The following ROBO1 variants were observed in gnomAD, a reference collection of about 807,000 sequenced individuals.
ROBO1 encodes the protein roundabout guidance receptor 1, also known as roundabout homolog 1.
A neutral mutation model predicts 195.9 loss-of-function variants in ROBO1; 149 were observed. The observed-to-expected ratio is 0.76, with a 90% CI of 0.67 to 0.87. The LOEUF (loss-of-function observed/expected upper bound fraction) is 0.87. Among genes scored for constraint, ROBO1 ranks in the 40% least tolerant of loss-of-function variants. The probability of loss-of-function intolerance (pLI) is 0.00; values close to 1 mark genes in which losing one functional copy is unlikely to be tolerated. For missense variants in ROBO1, 1,933 were observed against 2,068.3 expected (o/e 0.93, Z 1.27); for synonymous variants, 816 against 733.2 (o/e 1.11, Z -1.82).
intron 18 of ROBO1, among the ~76,000 whole-genome samples, chr3:78,652,431 T>C (rs191506588): frequency 9.9e-5 from 15 of 152,258 alleles, no homozygotes; most frequent in Admixed American, 5.9e-4. Flanking sequence ...TTATTTCTTC[T>C]CTAAGCTAGA....
intron 3 of ROBO1, among the ~76,000 whole-genome samples, chr3:79,007,410 CAG>C (rs1489027678): frequency 2.6e-5 from 4 of 152,080 alleles, no homozygotes; most frequent in Non-Finnish European, 5.9e-5. Flanking sequence ...GGCAGAAGGA[CAG>C]AGAGACAGTG....
intron 2 of ROBO1, among the ~76,000 whole-genome samples, chr3:79,535,625 C>G (rs1281186147): frequency 6.6e-6 from 1 of 152,070 alleles, no homozygotes; most frequent in African/African-American, 2.4e-5. Flanking sequence ...TCAATCCTAA[C>G]CAATGGGATT....
At chr3:78,817,249 T>C (rs957401955) in intron 4 of ROBO1, among the ~76,000 whole-genome samples, 1 of 152,174 alleles carries the variant, frequency 6.6e-6, no homozygotes, top group Non-Finnish European at 1.5e-5. Context: ...GCCATCAACA[T>C]CAAGACAAGA....
intron 1 of ROBO1, among the ~76,000 whole-genome samples, chr3:79,743,900 A>G (rs1434646685): frequency 6.6e-6 from 1 of 152,162 alleles, no homozygotes; most frequent in African/African-American, 2.4e-5. Context: ...CTCTACGGTA[A>G]CACTGCCTTC....
At chr3:79,057,236 G>T (rs759850564) in intron 3 of ROBO1, among the ~76,000 whole-genome samples, 1 of 151,936 alleles carries the variant, frequency 6.6e-6, no homozygotes, top group African/African-American at 2.4e-5. Context: ...CTGCTCAAAA[G>T]GCAGAGTTAA....
chr3:79,318,490 A>G (rs1037907671), intron 2 of ROBO1, among the ~76,000 whole-genome samples: 1 of 152,216 alleles, frequency 6.6e-6, no homozygotes, highest in African/African-American at 2.4e-5. Flanking sequence ...TCAGGAAAGT[A>G]CAGCATTCAG....
Position 78,659,745 on chromosome 3 carries a change from GA to G in ROBO1, c.2382del (p.Leu795Ter). The G allele has an allele frequency of 6.3e-7, 1 of 1,594,266 alleles. No individual in the cohort carries two copies. The highest frequency in any genetic ancestry group is 8.6e-7 in the Non-Finnish European group (1 of 1,169,268). ...VSKNDGNGTA[I>X]LVSWQPPPED... ...TCTGGAGGTGGCTGCCAACTAACTA[GA>G]ATTGCAGTTCCGTTTCCATCATTCT... is the stretch of plus-strand genomic sequence containing the variant. On this transcript the variant is annotated frameshift_variant, in exon 17 of 31. Coordinates refer to ENST00000464233, the MANE Select transcript of ROBO1 (RefSeq NM_002941.4). LOFTEE classifies it high-confidence loss of function.
At chr3:78,691,299 T>C (rs2081169411) in intron 8 of ROBO1, among the ~76,000 whole-genome samples, 1 of 152,122 alleles carries the variant, frequency 6.6e-6, no homozygotes, top group South Asian at 2.1e-4. Context: ...CTACAATTTT[T>C]AATTTAAACT....
intron 2 of ROBO1, among the ~76,000 whole-genome samples, chr3:79,455,571 A>T (rs1376769418): frequency 6.6e-6 from 1 of 152,084 alleles, no homozygotes; most frequent in Non-Finnish European, 1.5e-5. Context: ...TGCTATTATA[A>T]TTACCTCAGT....
intron 4 of ROBO1, among the ~76,000 whole-genome samples, chr3:78,765,070 ATTG>A (rs1221784831): frequency 1.3e-5 from 2 of 151,966 alleles, no homozygotes; most frequent in Non-Finnish European, 2.9e-5. Context: ...CTTTGGTTTT[ATTG>A]TTGTTGCTGA....
chr3:79,482,322 G>T (rs1329377303), intron 2 of ROBO1, among the ~76,000 whole-genome samples: 2 of 152,144 alleles, frequency 1.3e-5, no homozygotes, highest in Admixed American at 1.3e-4. Context: ...TTGAACTGTG[G>T]CTCCCATAAT....
intron 2 of ROBO1, among the ~76,000 whole-genome samples, chr3:79,140,024 T>C (rs1392968540): frequency 6.6e-6 from 1 of 152,124 alleles, no homozygotes; most frequent in Non-Finnish European, 1.5e-5. Flanking sequence ...AGCATTTAAA[T>C]GATGGATGGG....
chr3:79,737,342 T>C (rs532124132), intron 1 of ROBO1, among the ~76,000 whole-genome samples: 1 of 152,186 alleles, frequency 6.6e-6, no homozygotes, highest in Admixed American at 6.5e-5. Flanking sequence ...ACCATCCATA[T>C]TTCCCAAATA....
At chr3:79,298,403 A>G (rs1384685951) in intron 2 of ROBO1, among the ~76,000 whole-genome samples, 2 of 152,044 alleles carry the variant, frequency 1.3e-5, no homozygotes, top group Non-Finnish European at 2.9e-5. Context: ...TACATTATAG[A>G]TGATAATATG....
chr3:78,695,831 C>G lies in ROBO1; in HGVS notation c.1046-7059G>C, dbSNP rs182117763. ...TCCTGTTATCTAAAGGAAAGCCTGT[C>G]TGTTCAGAATTTCACCCCCCTTTCA... is the stretch of plus-strand genomic sequence containing the variant. On this transcript the variant is annotated intron_variant, in intron 8 of 30. Coordinates refer to ENST00000464233, the MANE Select transcript of ROBO1 (RefSeq NM_002941.4). 3.0e-3 allele frequency among the ~76,000 whole-genome samples: 460 copies of G among 152,088 alleles called. 4 individuals carry two copies. The highest frequency in any genetic ancestry group is 5.3e-3 in the Non-Finnish European group (357 of 67,974).
chr3:79,084,677 CAT>C (rs1559647478), intron 3 of ROBO1, among the ~76,000 whole-genome samples: 1 of 152,106 alleles, frequency 6.6e-6, no homozygotes, highest in Non-Finnish European at 1.5e-5. Context: ...TCAAAATTCA[CAT>C]GATTATTAAA....
rs548146892 is a variant in ROBO1 at position 79,327,126 on chromosome 3, TAAG to T, written c.89-201590_89-201588del. On this transcript the variant is annotated intron_variant, in intron 2 of 30. Transcript: ENST00000464233. ...ACACAAAAAAACAAATAGGAAGACTTAAGAAAGAAAATTTACGCAAAATAAGAA... is the reference window on the plus strand; with the variant it reads ...ACACAAAAAAACAAATAGGAAGACTTAAAGAAAATTTACGCAAAATAAGAA... Among the ~76,000 whole-genome samples the T allele has an allele frequency of 1.1e-4, 16 of 152,192 alleles. No individual in the cohort carries two copies. In the South Asian group the frequency reaches 2.9e-3, roughly 28 times the overall value.
intron 21 of ROBO1, among the ~76,000 whole-genome samples, chr3:78,643,556 C>A (rs543170553): frequency 5.9e-5 from 9 of 152,160 alleles, no homozygotes; most frequent in African/African-American, 2.2e-4. Context: ...TGGCAAATGG[C>A]AGGTGGGGTG....
chr3:79,436,768 T>C (rs1321651367), intron 2 of ROBO1, among the ~76,000 whole-genome samples: 2 of 152,052 alleles, frequency 1.3e-5, no homozygotes, highest in Non-Finnish European at 2.9e-5. Flanking sequence ...TCCAAAAACT[T>C]CAGGCTGAGC....
Sources: allele counts gnomAD v4.1 joint callset (sites outside exome capture counted in the v4.1 genomes callset), GRCh38; gene constraint gnomAD v4.1.1; transcripts MANE v1.5; gene names NCBI Gene and HGNC (gene_info 2026-07-23, HGNC 2026-07-21).